ALK: variants seen among roughly 807,000 people sequenced by gnomAD.
ALK encodes the protein ALK tyrosine kinase receptor.
Under a neutral mutation model 163.1 loss-of-function variants are expected in ALK, and 74 were observed. The observed-to-expected ratio is 0.45, with a 90% CI of 0.38 to 0.55. ALK has a LOEUF of 0.55. Among genes scored for constraint, ALK ranks in the 20% least tolerant of loss-of-function variants. The pLI is 0.00. For missense variants in ALK, 2,063 were observed against 2,105.3 expected (o/e 0.98, Z 0.39); for synonymous variants, 960 against 843.2 (o/e 1.14, Z -2.40).
intron 1 of ALK, among the ~76,000 whole-genome samples, chr2:29,864,064 T>C (rs2148408280): frequency 6.6e-6 from 1 of 152,298 alleles, no homozygotes; most frequent in East Asian, 1.9e-4. Context: ...AGTACTATTG[T>C]CCCCATTTTT....
At chr2:29,256,233 G>A (rs1342712022) in intron 11 of ALK, among the ~76,000 whole-genome samples, 2 of 152,186 alleles carry the variant, frequency 1.3e-5, no homozygotes, top group Non-Finnish European at 2.9e-5. Context: ...TTCCTGACTT[G>A]TTTTGTCCTT....
intron 3 of ALK, among the ~76,000 whole-genome samples, chr2:29,651,624 T>C (rs181946515): frequency 1.3e-5 from 2 of 152,280 alleles, no homozygotes; most frequent in African/African-American, 4.8e-5. Context: ...CTGTGTGCTG[T>C]TTTGCAGTTA....
At chr2:29,503,476 G>C (rs1672238069) in intron 4 of ALK, among the ~76,000 whole-genome samples, 1 of 152,200 alleles carries the variant, frequency 6.6e-6, no homozygotes, top group African/African-American at 2.4e-5. Flanking sequence ...ATCTCACAGA[G>C]GATACAGATA....
Position 29,694,902 on chromosome 2 carries a change from C to T in ALK, c.900G>A (p.Gln300=), listed in dbSNP as rs1233069820. 6.2e-7 allele frequency: 1 copy of T among 1,614,146 alleles called. No individual in the cohort carries two copies. Among genetic ancestry groups the T allele is most frequent in the Non-Finnish European group, 8.5e-7 (1 of 1,180,000 alleles). Residue 300 remains glutamine (Q), a synonymous_variant, in exon 3 of 29, where the codon CAG becomes CAA. Coordinates refer to ENST00000389048, the MANE Select transcript of ALK (RefSeq NM_004304.5). ...CCCCAGGCCCATCCAGCAAGTCCAT[C>T]TGGGAGGCCTCCTCGGAGGGGATGC... ...WRRIPSEEAS[Q]MDLLDGPGAE... is the part of the protein sequence containing the mutation.
chr2:29,234,897 G>T (rs1408987654), intron 13 of ALK, among the ~76,000 whole-genome samples: 1 of 152,234 alleles, frequency 6.6e-6, no homozygotes, highest in Non-Finnish European at 1.5e-5. Flanking sequence ...ATTTTTAGTA[G>T]AGGAGGGGTT....
intron 4 of ALK, among the ~76,000 whole-genome samples, chr2:29,395,426 C>A: frequency 6.6e-6 from 1 of 152,200 alleles, no homozygotes; most frequent in East Asian, 1.9e-4. Flanking sequence ...GAGGGTCCCC[C>A]ACCCACACCT....
chr2:29,694,880 C>T lies in ALK; in HGVS notation c.922G>A (p.Gly308Arg), dbSNP rs1553348499. 1.2e-6 allele frequency: 2 copies of T among 1,613,918 alleles called. No homozygotes were observed. Among genetic ancestry groups the T allele is most frequent in the African/African-American group, 1.3e-5 (1 of 74,930 alleles). ...GGCATCTCCTTAGAACGCTCTGCCC[C>T]AGGCCCATCCAGCAAGTCCATCTGG... ...ASQMDLLDGP[G>R]AERSKEMPRG... Residue 308 changes from glycine to arginine, a missense_variant, in exon 3 of 29, where the codon GGG (glycine) becomes AGG (arginine). By Grantham distance (125) the Gly-to-Arg change is moderately radical. Transcript: ENST00000389048.
At chr2:29,412,465 G>C (rs1021584692) in intron 4 of ALK, among the ~76,000 whole-genome samples, 79 of 152,116 alleles carry the variant, frequency 5.2e-4, no homozygotes, top group African/African-American at 1.9e-3. Context: ...CTGTTGTCCT[G>C]TCCTTAAAAA....
chr2:29,823,522 A>G (rs1208583936), intron 1 of ALK, among the ~76,000 whole-genome samples: 1 of 152,198 alleles, frequency 6.6e-6, no homozygotes, highest in African/African-American at 2.4e-5. Context: ...TGATATGGAC[A>G]ATGAAATCCA....
chr2:29,920,174 A>C lies in ALK; in HGVS notation c.486T>G (p.Ala162=). 1 of 1,613,432 alleles carries C rather than the reference A, an allele frequency of 6.2e-7. No homozygotes were observed. Among genetic ancestry groups the C allele is most frequent in the Non-Finnish European group, 8.5e-7 (1 of 1,180,014 alleles). Residue 162 remains alanine, a synonymous_variant, in exon 1 of 29, where the codon GCT becomes GCG. Coordinates refer to ENST00000389048, the MANE Select transcript of ALK (RefSeq NM_004304.5). ...TGAGATTGAACTGGAGCAGCCCCAC[A>C]GCCGCCTCCCCGGGGGGCCCGACGC... The part of the protein sequence containing the change: ...EGCVGPPGEA[A]VGLLQFNLSE...
intron 2 of ALK, among the ~76,000 whole-genome samples, chr2:29,705,272 T>TAA (rs1678870949): frequency 1.7e-5 from 1 of 57,162 alleles, no homozygotes; most frequent in Admixed American, 1.8e-4. Context: ...TATATATATA[T>TAA]ATATATATAA....
At chr2:29,266,766 C>G (rs780837905) in intron 11 of ALK, among the ~76,000 whole-genome samples, 1 of 152,158 alleles carries the variant, frequency 6.6e-6, no homozygotes, top group African/African-American at 2.4e-5. Flanking sequence ...GTAGGTGCTT[C>G]GTGACTATTT....
chr2:29,329,120 A>G (rs1667364228), intron 5 of ALK, among the ~76,000 whole-genome samples: 1 of 152,200 alleles, frequency 6.6e-6, no homozygotes, highest in African/African-American at 2.4e-5. Context: ...AGGGATTTCT[A>G]TTAGATTGCT....
chr2:29,260,282 C>T (rs1461380435), intron 11 of ALK, among the ~76,000 whole-genome samples: 1 of 152,102 alleles, frequency 6.6e-6, no homozygotes, highest in African/African-American at 2.4e-5. Context: ...TGTCTTTTAG[C>T]TCATTTTAAA....
At chr2:29,769,315 G>A (rs1011586264) in intron 1 of ALK, among the ~76,000 whole-genome samples, 9 of 152,110 alleles carry the variant, frequency 5.9e-5, no homozygotes, top group South Asian at 2.1e-4. Flanking sequence ...GTAGAATGAC[G>A]TGTCTCTTCA....
chr2:29,556,370 A>T (rs1388658158), intron 3 of ALK, among the ~76,000 whole-genome samples: 2 of 152,216 alleles, frequency 1.3e-5, no homozygotes, highest in African/African-American at 4.8e-5. Flanking sequence ...ACTGTGTGGC[A>T]TTCAGCAAGG....
At chr2:29,308,282 T>C (rs1274825102) in intron 8 of ALK, among the ~76,000 whole-genome samples, 1 of 152,326 alleles carries the variant, frequency 6.6e-6, no homozygotes, top group African/African-American at 2.4e-5. Context: ...TCTAAATCTA[T>C]CTGTCTGGAA....
At chr2:29,832,104 G>A (rs541592282) in intron 1 of ALK, among the ~76,000 whole-genome samples, 134 of 152,264 alleles carry the variant, frequency 8.8e-4, no homozygotes, top group South Asian at 2.5e-3. Flanking sequence ...TTGTCATCTC[G>A]TGGAAATGGA....
Position 29,920,793 on chromosome 2 carries a change from T to C in ALK, c.-134A>G. The C allele has an allele frequency of 1.3e-6, 1 of 774,380 alleles. No homozygotes were observed. The highest frequency in any genetic ancestry group is 2.0e-6 in the Non-Finnish European group (1 of 488,640). The allele number at this position is 774,380 out of a possible 1,614,324, so 48.0% of individuals were successfully genotyped here. ...CACCTGATCTCCAGAGGACTGTGCG[T>C]GCGCGCAAGTCTCTTGCTTTCCCCC... On this transcript the variant is annotated 5_prime_UTR_variant, in exon 1 of 29. Transcript: ENST00000389048.
Sources: gnomAD v4.1 joint callset for allele counts (sites outside exome capture counted in the v4.1 genomes callset) on GRCh38, gnomAD v4.1.1 for gene constraint, MANE v1.5 for transcripts, NCBI Gene and HGNC (gene_info 2026-07-23, HGNC 2026-07-21) for gene names.